The following NREP variants were observed in gnomAD, a reference collection of about 807,000 sequenced individuals.
NREP encodes neuronal regeneration-related protein.
In NREP, 5 loss-of-function variants were observed where a neutral mutation model predicts 8.6. That is an observed-to-expected ratio of 0.58 (90% confidence interval 0.30 to 1.22). The LOEUF (loss-of-function observed/expected upper bound fraction) is 1.22. Among genes scored for constraint, NREP ranks in the 50% most tolerant of loss-of-function variants. NREP has a pLI of 0.07. For missense variants in NREP, 86 were observed against 82.5 expected (o/e 1.04, Z -0.17); for synonymous variants, 27 against 28.0 (o/e 0.96, Z 0.11).
In NREP at chr5:111,892,681, G is replaced by A. The variant is rs542629811; in HGVS notation, c.135+82593C>T. Among the ~76,000 whole-genome samples the A allele has an allele frequency of 2.0e-5, 3 of 152,254 alleles. No individual in the cohort carries two copies. The East Asian group carries it at 5.8e-4, about 29-fold the overall frequency. On this transcript the variant is annotated intron_variant, in intron 2 of 3. Transcript: ENST00000395634. ...GAAATGTGGGTTAAAACTTTGGCAT[G>A]CAGTTTGCCTACGATCTAATATAAT...
chr5:111,854,846 T>A (rs917609088), intron 2 of NREP, among the ~76,000 whole-genome samples: 2 of 152,202 alleles, frequency 1.3e-5, no homozygotes, highest in Non-Finnish European at 2.9e-5. Context: ...TTCTTCCAGA[T>A]CTTTACACAC....
At position 111,730,813 on chromosome 5, in the gene NREP, T is replaced by A; in HGVS notation, c.*108A>T. The A allele has an allele frequency of 7.8e-7, 1 of 1,275,910 alleles. No individual in the cohort carries two copies. The highest frequency in any genetic ancestry group is 1.1e-6 in the Non-Finnish European group (1 of 920,342). 79.0% of individuals were successfully genotyped at this position (1,275,910 alleles called of 1,614,324 possible). On this transcript the variant is annotated 3_prime_UTR_variant, in exon 4 of 4. Transcript: ENST00000257435. ...CTCTAAAGCAAGGCTCAGAGTCCCA[T>A]AGTTTCTTCTTATACTTGATGATTT... is the stretch of plus-strand genomic sequence containing the variant.
chr5:111,905,214 A>T (rs1216403890), intron 2 of NREP, among the ~76,000 whole-genome samples: 1 of 152,102 alleles, frequency 6.6e-6, no homozygotes, highest in African/African-American at 2.4e-5. Flanking sequence ...TTTGTTTTCC[A>T]TTCATTTGGG....
At chr5:111,804,984 G>C (rs1451778998) in intron 2 of NREP, among the ~76,000 whole-genome samples, 2 of 144,584 alleles carry the variant, frequency 1.4e-5, no homozygotes, top group African/African-American at 5.2e-5. Flanking sequence ...CTGGGCGACA[G>C]AGCGAGACTC....
At chr5:111,821,320 G>C (rs1477150881) in intron 2 of NREP, among the ~76,000 whole-genome samples, 1 of 151,774 alleles carries the variant, frequency 6.6e-6, no homozygotes, top group Admixed American at 6.6e-5. Flanking sequence ...CTGAAATGTA[G>C]CTCCAGACAC....
intron 1 of NREP, among the ~76,000 whole-genome samples, chr5:111,976,384 C>G (rs954359980): frequency 6.6e-6 from 1 of 152,132 alleles, no homozygotes; most frequent in African/African-American, 2.4e-5. Flanking sequence ...ATATCCAATC[C>G]CTTCATCCCA....
chr5:111,831,422 G>C, intron 2 of NREP, among the ~76,000 whole-genome samples: 1 of 152,126 alleles, frequency 6.6e-6, no homozygotes, highest in East Asian at 1.9e-4. Flanking sequence ...TCTGGAGTCT[G>C]AAAATGCATG....
chr5:111,843,232 T>C (rs1043169626), intron 2 of NREP, among the ~76,000 whole-genome samples: 4 of 151,978 alleles, frequency 2.6e-5, no homozygotes, highest in Admixed American at 2.6e-4. Context: ...CTTCACTTTT[T>C]AAAATTTTTT....
At chr5:111,927,734 G>T (rs539142000) in intron 2 of NREP, among the ~76,000 whole-genome samples, 2 of 152,048 alleles carry the variant, frequency 1.3e-5, no homozygotes, top group Non-Finnish European at 2.9e-5. Context: ...TAACTACCCT[G>T]CCCACTTTTT....
chr5:111,823,387 C>A (rs62371585), intron 2 of NREP, among the ~76,000 whole-genome samples: 1 of 151,990 alleles, frequency 6.6e-6, no homozygotes, highest in African/African-American at 2.4e-5. Flanking sequence ...CTCTATCTTC[C>A]TATCTAATCC....
intron 2 of NREP, among the ~76,000 whole-genome samples, chr5:111,950,993 A>G (rs1308071117): frequency 1.3e-5 from 2 of 152,102 alleles, no homozygotes; most frequent in African/African-American, 4.8e-5. Context: ...ACTCTCTGCC[A>G]TAGGTTAACA....
chr5:111,742,626 G>A (rs1042307501), intron 2 of NREP, among the ~76,000 whole-genome samples: 3 of 152,032 alleles, frequency 2.0e-5, no homozygotes, highest in African/African-American at 7.2e-5. Context: ...AGAATTACCC[G>A]ACTTTTCTTT....
Position 111,755,752 on chromosome 5 carries a change from C to T in NREP, c.3+18G>A. 6.2e-7 allele frequency: 1 copy of T among 1,613,532 alleles called. No individual in the cohort carries two copies. The highest frequency in any genetic ancestry group is 8.5e-7 in the Non-Finnish European group (1 of 1,179,470). On this transcript the variant is annotated intron_variant, in intron 2 of 3. Coordinates refer to ENST00000257435, the MANE Select transcript of NREP (RefSeq NM_004772.4). Reference sequence around the variant, plus strand: ...TGGTAAGAAGTACTGAGAATCTCCTCTGATGACCAAGTCTTACCATTTTGA... The same window carrying T: ...TGGTAAGAAGTACTGAGAATCTCCTTTGATGACCAAGTCTTACCATTTTGA...
chr5:111,731,526 T>G (rs1381824608), intron 3 of NREP, among the ~76,000 whole-genome samples: 2 of 152,102 alleles, frequency 1.3e-5, no homozygotes, highest in Non-Finnish European at 2.9e-5. Flanking sequence ...GTATCTCAAC[T>G]TGCATCAATC....
upstream of NREP, among the ~76,000 whole-genome samples, chr5:111,760,973 G>T (rs1268183864): frequency 6.6e-6 from 1 of 152,084 alleles, no homozygotes; most frequent in African/African-American, 2.4e-5. Flanking sequence ...TTAATTTTTG[G>T]TCAATGTCAT....
At chr5:111,916,047 G>A (rs1488937774) in intron 2 of NREP, among the ~76,000 whole-genome samples, 1 of 152,008 alleles carries the variant, frequency 6.6e-6, no homozygotes, top group East Asian at 1.9e-4. Context: ...ACAAACATAA[G>A]AAGGCATCAA....
chr5:111,857,583 T>C (rs1753452595), intron 2 of NREP, among the ~76,000 whole-genome samples: 1 of 152,130 alleles, frequency 6.6e-6, no homozygotes, highest in Admixed American at 6.6e-5. Flanking sequence ...GTGATGGGTG[T>C]AGAGTAGGTG....
intron 2 of NREP, among the ~76,000 whole-genome samples, chr5:111,938,488 A>G (rs1204495980): frequency 6.6e-6 from 1 of 152,064 alleles, no homozygotes; most frequent in Non-Finnish European, 1.5e-5. Context: ...TTCAAGATTC[A>G]TTTTCTCCTT....
chr5:111,892,219 G>T (rs886440057), intron 2 of NREP, among the ~76,000 whole-genome samples: 1 of 152,176 alleles, frequency 6.6e-6, no homozygotes, highest in Non-Finnish European at 1.5e-5. Context: ...TGAGGGAGAG[G>T]TAGATAGGAA....
Sources: allele counts gnomAD v4.1 joint callset (sites outside exome capture counted in the v4.1 genomes callset), GRCh38; gene constraint gnomAD v4.1.1; transcripts MANE v1.5; gene names NCBI Gene and HGNC (gene_info 2026-07-23, HGNC 2026-07-21).